Variants in SGCG observed in about 807,000 individuals in gnomAD.
The protein encoded by SGCG is gamma-sarcoglycan.
In SGCG, 26 loss-of-function variants were observed where a neutral mutation model predicts 29.3. The observed-to-expected ratio is 0.89, with a 90% CI of 0.65 to 1.23. The LOEUF (loss-of-function observed/expected upper bound fraction) is 1.23. Among genes scored for constraint, SGCG ranks in the 50% most tolerant of loss-of-function variants. The probability of loss-of-function intolerance (pLI) is 0.00; values close to 1 mark genes in which losing one functional copy is unlikely to be tolerated. For missense variants in SGCG, 353 were observed against 356.0 expected, an observed-to-expected ratio of 0.99 and a Z score of 0.07; for synonymous variants, 145 against 129.7, an observed-to-expected ratio of 1.12 and a Z score of -0.80.
chr13:23,179,451 T>C (rs1876661029), upstream of SGCG, among the ~76,000 whole-genome samples: 1 of 152,184 alleles, frequency 6.6e-6, no homozygotes, highest in Admixed American at 6.5e-5. Flanking sequence ...GATGAAGAGG[T>C]ATCTCAATTG....
intron 4 of SGCG, among the ~76,000 whole-genome samples, chr13:23,256,183 C>A (rs1448297141): frequency 1.3e-5 from 2 of 152,042 alleles, no homozygotes; most frequent in South Asian, 2.1e-4. Flanking sequence ...GAAATAGTTA[C>A]CCAAATGAGA....
chr13:23,291,143 A>T (rs1437723419), intron 5 of SGCG, among the ~76,000 whole-genome samples: 1 of 152,232 alleles, frequency 6.6e-6, no homozygotes, highest in Non-Finnish European at 1.5e-5. Context: ...TCTCAATGAC[A>T]TATTCTAAAA....
At chr13:23,316,071 G>A (rs544097738) in intron 6 of SGCG, among the ~76,000 whole-genome samples, 40 of 152,252 alleles carry the variant, frequency 2.6e-4, no homozygotes, top group East Asian at 1.4e-3. Flanking sequence ...ATGGACTTCC[G>A]CTCACCAAGG....
chr13:23,241,455 A>G (rs2137554327), intron 3 of SGCG, among the ~76,000 whole-genome samples: 1 of 152,290 alleles, frequency 6.6e-6, no homozygotes, highest in Non-Finnish European at 1.5e-5. Context: ...AATAATGAGT[A>G]ACAACATCGA....
At chr13:23,242,560 T>A (rs1679359251) in intron 3 of SGCG, among the ~76,000 whole-genome samples, 1 of 152,186 alleles carries the variant, frequency 6.6e-6, no homozygotes. Context: ...ACAGCTGTAT[T>A]CAAACAGGTA....
chr13:23,228,275 G>A (rs974487843), intron 2 of SGCG, among the ~76,000 whole-genome samples: 3 of 152,046 alleles, frequency 2.0e-5, no homozygotes, highest in African/African-American at 2.4e-5. Flanking sequence ...GAATTTGTCC[G>A]ACTTGTAAAA....
intron 1 of SGCG, among the ~76,000 whole-genome samples, chr13:23,199,103 G>A (rs1318855199): frequency 8.1e-5 from 7 of 86,136 alleles, no homozygotes; most frequent in Middle Eastern, 5.8e-3. Context: ...GTGAGACTCC[G>A]TCTCAAAAAA....
At position 23,206,433 on chromosome 13, in the gene SGCG, A is replaced by G. The variant is rs75197000; in HGVS notation, c.195+2544A>G. On this transcript the variant is annotated intron_variant, in intron 2 of 7. Coordinates refer to ENST00000218867, the MANE Select transcript of SGCG (RefSeq NM_000231.3). ...ATGCAATATTTGTCCTTTTGTGCTT[A>G]TTTCACTTTGCATAATGTCCTCAAG... 3.3e-3 allele frequency among the ~76,000 whole-genome samples: 507 copies of G among 152,278 alleles called. 2 individuals carry two copies. The highest frequency in any genetic ancestry group is 0.012 in the African/African-American group (478 of 41,560).
intron 4 of SGCG, among the ~76,000 whole-genome samples, chr13:23,276,431 C>CTTTTTTTTTTTTTTTTTTTTTTTTTTTT (rs71100165): frequency 9.8e-6 from 1 of 102,338 alleles, no homozygotes. Context: ...TTTTAGTTTT[C>CTTTTTTTTTTTTTTTTTTTTTTTTTTTT]TTTTTTTTTT....
At chr13:23,294,153 T>C (rs1881820484) in intron 5 of SGCG, among the ~76,000 whole-genome samples, 1 of 152,164 alleles carries the variant, frequency 6.6e-6, no homozygotes, top group African/African-American at 2.4e-5. Context: ...TCTTTGCAAG[T>C]GGCAGCCACA....
chr13:23,272,758 G>T (rs2137606074), intron 4 of SGCG, among the ~76,000 whole-genome samples: 1 of 152,190 alleles, frequency 6.6e-6, no homozygotes, highest in South Asian at 2.1e-4. Context: ...TCTTTTATGT[G>T]GGGTAGTTTT....
chr13:23,218,706 T>A (rs1878527765), intron 2 of SGCG, among the ~76,000 whole-genome samples: 2 of 151,968 alleles, frequency 1.3e-5, no homozygotes, highest in East Asian at 3.9e-4. Context: ...CTTACTTGTG[T>A]TCATTTCCTT....
At chr13:23,234,781 A>G (rs976489984) in intron 3 of SGCG, 69 bp downstream of exon 3, 4 of 1,040,176 alleles carry the variant, frequency 3.8e-6, no homozygotes, top group Non-Finnish European at 6.1e-6. Flanking sequence ...ACAAAAATTC[A>G]GTACAGTTTA....
intron 6 of SGCG, among the ~76,000 whole-genome samples, chr13:23,317,802 G>A (rs1882878505): frequency 6.6e-6 from 1 of 152,052 alleles, no homozygotes; most frequent in South Asian, 2.1e-4. Context: ...ATGGGTTCAA[G>A]GGGTGGACTT....
chr13:23,187,972 T>C (rs1877060130), intron 1 of SGCG, among the ~76,000 whole-genome samples: 1 of 152,216 alleles, frequency 6.6e-6, no homozygotes, highest in Non-Finnish European at 1.5e-5. Flanking sequence ...AAATGCCACA[T>C]TACCTTCTTT....
chr13:23,209,450 G>A (rs1035633968), intron 2 of SGCG, among the ~76,000 whole-genome samples: 1 of 152,132 alleles, frequency 6.6e-6, no homozygotes, highest in African/African-American at 2.4e-5. Context: ...ATTATTCATA[G>A]GAAGCTGGGA....
chr13:23,266,023 T>C (rs1234882991), intron 4 of SGCG, among the ~76,000 whole-genome samples: 5 of 152,074 alleles, frequency 3.3e-5, no homozygotes, highest in African/African-American at 1.2e-4. Context: ...TAAATGCCCA[T>C]CAAACAATGT....
intron 3 of SGCG, among the ~76,000 whole-genome samples, chr13:23,247,578 A>C (rs1879762693): frequency 6.6e-6 from 1 of 152,140 alleles, no homozygotes; most frequent in Non-Finnish European, 1.5e-5. Context: ...TTGTCTTTAA[A>C]AAAATGTAGA....
intron 5 of SGCG, among the ~76,000 whole-genome samples, chr13:23,283,568 A>G (rs991689075): frequency 6.6e-6 from 1 of 152,048 alleles, no homozygotes. Flanking sequence ...GACTCTATCC[A>G]GTTTGCCAGT....
Sources: allele counts gnomAD v4.1 joint callset (sites outside exome capture counted in the v4.1 genomes callset), GRCh38; gene constraint gnomAD v4.1.1; transcripts MANE v1.5; gene names NCBI Gene and HGNC (gene_info 2026-07-23, HGNC 2026-07-21).